The following TBC1D4 variants were observed in gnomAD, a reference collection of about 807,000 sequenced individuals.
The protein encoded by TBC1D4 is TBC1 domain family member 4.
TBC1D4 carries 121 observed loss-of-function variants against 142.5 expected under a neutral mutation model. That is an observed-to-expected ratio of 0.85 (90% CI 0.73 to 0.99). TBC1D4 has a LOEUF of 0.99. Ranked by LOEUF, TBC1D4 falls within the 50% of genes least tolerant of loss-of-function variation. The pLI is 0.00. For synonymous variants in TBC1D4, 630 were observed against 628.2 expected, an observed-to-expected ratio of 1.00 and a Z score of -0.04; for missense variants, 1,475 against 1,606.6, an observed-to-expected ratio of 0.92 and a Z score of 1.40.
rs573290372 is a variant in TBC1D4, at chr13:75,396,989, A to C, written c.499-34382T>G. Among the ~76,000 whole-genome samples, 24 of 152,348 alleles carry C rather than the reference A, an allele frequency of 1.6e-4. 1 individual carries two copies. The South Asian group carries it at 5.0e-3, about 32-fold the overall frequency. On this transcript the variant is annotated intron_variant, in intron 1 of 20. Transcript: ENST00000377636. ...AGCCATACAATCTAAGAAATAGAGA[A>C]TCCAACCTTGAGGACACATTGCCAT... is the stretch of plus-strand genomic sequence containing the variant.
chr13:75,423,597 A>T (rs992643875), intron 1 of TBC1D4, among the ~76,000 whole-genome samples: 16 of 152,226 alleles, frequency 1.1e-4, no homozygotes, highest in Admixed American at 6.5e-5. Flanking sequence ...AATTCCAGAC[A>T]TTTTAATTCC....
intron 14 of TBC1D4, among the ~76,000 whole-genome samples, chr13:75,308,861 T>C (rs2137922808): frequency 6.6e-6 from 1 of 152,328 alleles, no homozygotes; most frequent in South Asian, 2.1e-4. Context: ...TAAAATCCTA[T>C]GTACTTTTCA....
chr13:75,356,161 C>G lies in TBC1D4; in HGVS notation c.1261G>C (p.Ala421Pro). The part of the protein sequence containing the change: ...SQYICYVFQC[A>P]SESLVDEVML... ...ACACTACTTACCAGAGATTCGCTGG[C>G]ACACTGGAATACATAACAAATATAC... Residue 421 changes from alanine to proline, a missense_variant, in exon 4 of 21, where the codon GCC becomes CCC. This residue lies in a region of TBC1D4 where 1,227 missense variants were observed against 1,267.7 expected (regional missense o/e 0.97). Coordinates refer to ENST00000377636, the MANE Select transcript of TBC1D4 (RefSeq NM_014832.5). 1.2e-6 allele frequency: 2 copies of G among 1,613,318 alleles called. No individual in the cohort carries two copies. The highest frequency in any genetic ancestry group is 1.7e-6 in the Non-Finnish European group (2 of 1,179,492).
chr13:75,317,819 G>C (rs1010329292), intron 12 of TBC1D4, among the ~76,000 whole-genome samples: 2 of 152,160 alleles, frequency 1.3e-5, no homozygotes, highest in South Asian at 4.1e-4. Flanking sequence ...CCACTCACCA[G>C]TTAATTAAGA....
rs369910668 is a variant in TBC1D4, at chr13:75,299,310, G to A, written c.3156+20C>T. On this transcript the variant is annotated intron_variant, in intron 17 of 20. Coordinates refer to ENST00000377636, the MANE Select transcript of TBC1D4 (RefSeq NM_014832.5). ...CTGGTAATAGTCTCACACCTTCCTC[G>A]GGAAGCACAAGTGCCTCACCTGCAG... 1.1e-4 allele frequency: 185 copies of A among 1,613,360 alleles called. No homozygotes were observed. The highest frequency in any genetic ancestry group is 5.2e-4 in the Middle Eastern group (3 of 5,760).
intron 1 of TBC1D4, among the ~76,000 whole-genome samples, chr13:75,421,943 A>G (rs1316674682): frequency 6.6e-6 from 1 of 152,188 alleles, no homozygotes; most frequent in Non-Finnish European, 1.5e-5. Flanking sequence ...GTGCACTCAA[A>G]TGCACATTTC....
intron 1 of TBC1D4, among the ~76,000 whole-genome samples, chr13:75,441,412 C>CA (rs1566492719): frequency 6.6e-6 from 1 of 150,836 alleles, no homozygotes; most frequent in South Asian, 2.1e-4. Flanking sequence ...GAATAGGAAC[C>CA]AAAAAAAAGA....
chr13:75,458,892 C>G (rs530359760), intron 1 of TBC1D4, among the ~76,000 whole-genome samples: 1 of 152,076 alleles, frequency 6.6e-6, no homozygotes, highest in African/African-American at 2.4e-5. Flanking sequence ...CCTTCCCTTT[C>G]AGACCTAGGG....
intron 1 of TBC1D4, among the ~76,000 whole-genome samples, chr13:75,446,100 G>A (rs1887272906): frequency 1.3e-5 from 2 of 152,110 alleles, no homozygotes; most frequent in South Asian, 4.1e-4. Context: ...TAGTAGCAGG[G>A]GAGACAGACA....
chr13:75,363,003 T>G (rs1882660664), intron 1 of TBC1D4, among the ~76,000 whole-genome samples: 2 of 152,074 alleles, frequency 1.3e-5, no homozygotes, highest in Non-Finnish European at 2.9e-5. Flanking sequence ...GATGAGGAGA[T>G]TAAAACCTAG....
chr13:75,369,245 T>C (rs1021903781), intron 1 of TBC1D4, among the ~76,000 whole-genome samples: 2 of 152,066 alleles, frequency 1.3e-5, no homozygotes, highest in African/African-American at 4.8e-5. Flanking sequence ...ATAATCCCAG[T>C]ACTTTGTGGA....
intron 1 of TBC1D4, among the ~76,000 whole-genome samples, chr13:75,395,110 G>C (rs150492390): frequency 0.014 from 2,187 of 152,326 alleles, 56 homozygotes; most frequent in African/African-American, 0.049. Flanking sequence ...GTTCTAAAAA[G>C]AATGCTGCCA....
chr13:75,327,660 G>GC, intron 9 of TBC1D4, 92 bp downstream of exon 9: 1 of 1,148,838 alleles, frequency 8.7e-7, no homozygotes. Context: ...AAGCTATAAA[G>GC]CATTCATAAT....
chr13:75,429,782 A>T (rs972331945), intron 1 of TBC1D4, among the ~76,000 whole-genome samples: 1 of 152,158 alleles, frequency 6.6e-6, no homozygotes, highest in Non-Finnish European at 1.5e-5. Flanking sequence ...GAAAAATTGG[A>T]CCAAAAAAGA....
intron 1 of TBC1D4, among the ~76,000 whole-genome samples, chr13:75,368,463 T>C (rs1883044581): frequency 7.0e-6 from 1 of 143,824 alleles, no homozygotes; most frequent in African/African-American, 2.8e-5. Flanking sequence ...TAGATATTCT[T>C]GGCAACTTTG....
intron 8 of TBC1D4, among the ~76,000 whole-genome samples, chr13:75,328,301 G>A (rs1879445447): frequency 6.6e-6 from 1 of 152,114 alleles, no homozygotes; most frequent in Non-Finnish European, 1.5e-5. Flanking sequence ...AAATTTATCG[G>A]TTTTGCATCA....
chr13:75,441,586 A>C (rs1887043152), intron 1 of TBC1D4, among the ~76,000 whole-genome samples: 1 of 152,182 alleles, frequency 6.6e-6, no homozygotes, highest in African/African-American at 2.4e-5. Flanking sequence ...GAAATCTAAA[A>C]ATATGATTTT....
intron 18 of TBC1D4, among the ~76,000 whole-genome samples, chr13:75,294,116 T>C (rs984898995): frequency 2.6e-5 from 4 of 152,208 alleles, no homozygotes; most frequent in African/African-American, 9.6e-5. Context: ...TGTTGTTGTT[T>C]TAATTTTTGC....
intron 4 of TBC1D4, among the ~76,000 whole-genome samples, chr13:75,351,243 T>C (rs183696627): frequency 1.3e-5 from 2 of 152,174 alleles, no homozygotes; most frequent in Non-Finnish European, 2.9e-5. Context: ...CAAACTTACA[T>C]ATTTTATAGC....
Sources: allele counts gnomAD v4.1 joint callset (sites outside exome capture counted in the v4.1 genomes callset), GRCh38; gene constraint gnomAD v4.1.1; regional missense constraint gnomAD v4.1.1; transcripts MANE v1.5; gene names NCBI Gene and HGNC (gene_info 2026-07-23, HGNC 2026-07-21).